The following MOB1B variants were observed in gnomAD, a reference collection of about 807,000 sequenced individuals.
The protein encoded by MOB1B is MOB1 Mps One Binder homolog B.
In MOB1B, 19 loss-of-function variants were observed where a neutral mutation model predicts 24.4. That is an observed-to-expected ratio of 0.78 (90% CI 0.54 to 1.14). The LOEUF (loss-of-function observed/expected upper bound fraction) is 1.14, where lower values mean the gene tolerates loss of function less well. MOB1B is among the 50% of genes most tolerant of loss of function. MOB1B has a pLI of 0.00. For missense variants in MOB1B, 243 were observed against 259.6 expected (o/e 0.94, Z 0.44); for synonymous variants, 76 against 82.1 (o/e 0.93, Z 0.40).
At chr4:70,932,871 C>T (rs1294128382) in intron 1 of MOB1B, among the ~76,000 whole-genome samples, 2 of 152,060 alleles carry the variant, frequency 1.3e-5, no homozygotes, top group African/African-American at 4.8e-5. Flanking sequence ...AATTAGGATG[C>T]CATTAGAATG....
chr4:70,980,632 C>T (rs1404708104), intron 5 of MOB1B, among the ~76,000 whole-genome samples: 2 of 152,172 alleles, frequency 1.3e-5, no homozygotes, highest in African/African-American at 4.8e-5. Context: ...CACCCCTCCC[C>T]ACAGAGTGAG....
intron 1 of MOB1B, among the ~76,000 whole-genome samples, chr4:70,958,058 A>G (rs1738142065): frequency 1.3e-5 from 2 of 152,274 alleles, no homozygotes; most frequent in East Asian, 3.9e-4. Context: ...GGAGCAAACC[A>G]GCCACACGAA....
chr4:70,962,092 T>G (rs1319694143), intron 2 of MOB1B, among the ~76,000 whole-genome samples: 1 of 151,896 alleles, frequency 6.6e-6, no homozygotes, highest in Non-Finnish European at 1.5e-5. Flanking sequence ...GGAGTGGTGG[T>G]TCACACCTGT....
intron 1 of MOB1B, among the ~76,000 whole-genome samples, chr4:70,935,185 G>T (rs1283551723): frequency 2.0e-5 from 3 of 152,114 alleles, no homozygotes; most frequent in Non-Finnish European, 4.4e-5. Context: ...GCCTTCAGAA[G>T]AAATGCTAGG....
intron 3 of MOB1B, 36 bp from the exon 4 acceptor site, chr4:70,975,117 C>T: frequency 6.5e-7 from 1 of 1,541,608 alleles, no homozygotes; most frequent in Non-Finnish European, 8.8e-7. Context: ...TAGGTATATA[C>T]TAATCTTCTG....
intron 4 of MOB1B, chr4:70,975,699 A>G: frequency 1.0e-6 from 1 of 973,188 alleles, no homozygotes; most frequent in Non-Finnish European, 1.2e-6. Flanking sequence ...TACTTCCCTG[A>G]AGTAAGGGAA....
At chr4:70,904,725 C>A (rs1365498914) in intron 1 of MOB1B, among the ~76,000 whole-genome samples, 3 of 149,176 alleles carry the variant, frequency 2.0e-5, no homozygotes. Flanking sequence ...CGCCACTGCA[C>A]TCCAGCCTGG....
intron 1 of MOB1B, among the ~76,000 whole-genome samples, chr4:70,917,242 T>C (rs1256662259): frequency 6.6e-6 from 1 of 152,188 alleles, no homozygotes; most frequent in Non-Finnish European, 1.5e-5. Context: ...CTTACCTACA[T>C]TGGGTCTTCA....
intron 1 of MOB1B, among the ~76,000 whole-genome samples, chr4:70,926,429 C>T (rs918680990): frequency 2.0e-5 from 3 of 152,038 alleles, no homozygotes; most frequent in South Asian, 2.1e-4. Context: ...TGGAGGGTAA[C>T]GAATGCTTCT....
intron 1 of MOB1B, among the ~76,000 whole-genome samples, chr4:70,947,139 A>G (rs1029763091): frequency 2.0e-5 from 3 of 152,184 alleles, no homozygotes; most frequent in African/African-American, 7.2e-5. Flanking sequence ...ATATCAGACA[A>G]ATTACACAAT....
intron 1 of MOB1B, among the ~76,000 whole-genome samples, chr4:70,904,713 C>T (rs1309163962): frequency 1.3e-5 from 2 of 148,988 alleles, no homozygotes; most frequent in Non-Finnish European, 3.0e-5. Flanking sequence ...GAGACGAGAT[C>T]GCGCCACTGC....
intron 1 of MOB1B, among the ~76,000 whole-genome samples, chr4:70,930,614 T>C (rs1578361953): frequency 6.6e-6 from 1 of 152,344 alleles, no homozygotes; most frequent in Admixed American, 6.5e-5. Context: ...CTTTTTTTAT[T>C]AGTAAAATCA....
Position 70,945,796 on chromosome 4 carries a change from A to T in MOB1B, c.15-13078A>T, listed in dbSNP as rs372474830. Among the ~76,000 whole-genome samples the T allele has an allele frequency of 2.0e-5, 3 of 152,322 alleles. No individual in the cohort carries two copies. The South Asian group carries it at 6.2e-4, about 32-fold the overall frequency. On this transcript the variant is annotated intron_variant, in intron 1 of 5. Coordinates refer to ENST00000309395, the MANE Select transcript of MOB1B (RefSeq NM_173468.4). The stretch of plus-strand genomic sequence containing the variant: ...GAAGGCATCCTTAACCCGTCTTAGG[A>T]TATCAGGGAAGCTTCCTGAGGAAAA...
intron 1 of MOB1B, among the ~76,000 whole-genome samples, chr4:70,920,288 T>C (rs994095262): frequency 6.6e-6 from 1 of 152,048 alleles, no homozygotes; most frequent in Non-Finnish European, 1.5e-5. Context: ...TTCAACAGTC[T>C]CACTCTCCGC....
chr4:70,949,444 A>G (rs1737714637), intron 1 of MOB1B, among the ~76,000 whole-genome samples: 1 of 152,266 alleles, frequency 6.6e-6, no homozygotes, highest in Non-Finnish European at 1.5e-5. Context: ...GACAGCTTCT[A>G]ACATTTTTTG....
Position 70,982,775 on chromosome 4 carries a change from A to G in MOB1B, c.*718A>G, listed in dbSNP as rs762905796. On this transcript the variant is annotated 3_prime_UTR_variant, in exon 6 of 6. Coordinates refer to ENST00000309395, the MANE Select transcript of MOB1B (RefSeq NM_173468.4). ...CTGAAACTTGAGGATGTTGAAATGT[A>G]TTACATTTTGGCTTCTTTCTACATG... The G allele has an allele frequency of 1.3e-5, 2 of 152,586 alleles. No homozygotes were observed. The highest frequency in any genetic ancestry group is 2.9e-5 in the Non-Finnish European group (2 of 68,010). The allele number at this position is 152,586 out of a possible 1,614,324, so 9.5% of individuals were successfully genotyped here. A position where few individuals can be genotyped will look rare whatever the true frequency, so the allele number is the denominator to read the frequency against.
chr4:70,925,642 C>T (rs570772285), intron 1 of MOB1B, among the ~76,000 whole-genome samples: 9 of 152,174 alleles, frequency 5.9e-5, no homozygotes, highest in East Asian at 3.9e-4. Flanking sequence ...TGCAGGATTT[C>T]GGGTCCTAAT....
intron 1 of MOB1B, among the ~76,000 whole-genome samples, chr4:70,937,385 A>G (rs938792018): frequency 1.3e-5 from 2 of 152,006 alleles, no homozygotes; most frequent in Non-Finnish European, 2.9e-5. Flanking sequence ...CTTTTAGTCT[A>G]AAAGAGCATT....
intron 1 of MOB1B, among the ~76,000 whole-genome samples, chr4:70,935,432 C>A (rs531135745): frequency 6.6e-6 from 1 of 152,138 alleles, no homozygotes; most frequent in Non-Finnish European, 1.5e-5. Flanking sequence ...TTTCAGTTAG[C>A]GGCTTGGCAA....
Sources: gnomAD v4.1 joint callset for allele counts (sites outside exome capture counted in the v4.1 genomes callset) on GRCh38, gnomAD v4.1.1 for gene constraint, MANE v1.5 for transcripts, NCBI Gene and HGNC (gene_info 2026-07-23, HGNC 2026-07-21) for gene names.